Variants in USP49 observed in about 807,000 individuals in gnomAD.
The protein encoded by USP49 is ubiquitin specific peptidase 49, also known as ubiquitin carboxyl-terminal hydrolase 49.
USP49 carries 24 observed loss-of-function variants against 58.6 expected under a neutral mutation model. That is an observed-to-expected ratio of 0.41 (90% CI 0.30 to 0.58). The LOEUF (loss-of-function observed/expected upper bound fraction) is 0.58, where lower values mean the gene tolerates loss of function less well. Ranked by LOEUF, USP49 falls within the 20% of genes least tolerant of loss-of-function variation. USP49 has a pLI of 0.30. For missense variants in USP49, 703 were observed against 866.1 expected (o/e 0.81, Z 2.36); for synonymous variants, 408 against 365.1 (o/e 1.12, Z -1.34).
rs150934131 is a variant in USP49 at position 41,822,652 on chromosome 6, C to G, written c.-28-15641G>C. Among the ~76,000 whole-genome samples, 106 of 152,226 alleles carry G rather than the reference C, an allele frequency of 7.0e-4. 1 individual carries two copies. The East Asian group carries it at 0.02, about 29-fold the overall frequency. On this transcript the variant is annotated intron_variant, in intron 3 of 7. Transcript: ENST00000682992. ...CACGAGGTCAAGAAATCAAGACCAT[C>G]CTGTCCAACATGGTAAAACCCCATC...
intron 3 of USP49, among the ~76,000 whole-genome samples, chr6:41,839,902 G>T (rs1561914395): frequency 3.9e-5 from 6 of 152,026 alleles, no homozygotes. Context: ...TACTGCTTAG[G>T]TGATGGGTGC....
intron 3 of USP49, among the ~76,000 whole-genome samples, chr6:41,815,192 G>A (rs1054868712): frequency 1.6e-4 from 25 of 152,164 alleles, no homozygotes; most frequent in African/African-American, 5.5e-4. Context: ...AGGCCGAGAC[G>A]GGAGGATCAT....
intron 3 of USP49, among the ~76,000 whole-genome samples, chr6:41,840,281 G>A (rs1489710320): frequency 6.6e-6 from 1 of 151,660 alleles, no homozygotes; most frequent in Non-Finnish European, 1.5e-5. Context: ...GGCTGAGGCA[G>A]GAGAATGGCG....
chr6:41,807,985 C>T (rs962937172), intron 3 of USP49, among the ~76,000 whole-genome samples: 2 of 152,006 alleles, frequency 1.3e-5, no homozygotes, highest in Admixed American at 6.6e-5. Context: ...ACCATGTTGG[C>T]CAGGCTGGTC....
chr6:41,878,796 A>G (rs950806403), intron 2 of USP49, among the ~76,000 whole-genome samples: 17 of 152,170 alleles, frequency 1.1e-4, no homozygotes, highest in African/African-American at 3.9e-4. Flanking sequence ...GTTTTCATGT[A>G]CACTTGCTCA....
chr6:41,886,151 C>T (rs112493807), intron 2 of USP49, among the ~76,000 whole-genome samples: 2,529 of 152,236 alleles, frequency 0.017, 54 homozygotes, highest in African/African-American at 0.051. Context: ...CTTTTAGATA[C>T]AAGCATGCAA....
At chr6:41,828,215 C>T (rs949912645) in intron 3 of USP49, among the ~76,000 whole-genome samples, 12 of 151,828 alleles carry the variant, frequency 7.9e-5, no homozygotes, top group African/African-American at 1.2e-4. Context: ...GAGGCCGAGG[C>T]GGGCAGATCA....
At chr6:41,800,219 T>C (rs1199412574) in intron 5 of USP49, among the ~76,000 whole-genome samples, 1 of 152,168 alleles carries the variant, frequency 6.6e-6, no homozygotes, top group African/African-American at 2.4e-5. Context: ...CCTTTGGCCT[T>C]CCCACTATCT....
At chr6:41,811,581 G>T (rs984991718) in intron 3 of USP49, among the ~76,000 whole-genome samples, 2 of 152,140 alleles carry the variant, frequency 1.3e-5, no homozygotes, top group African/African-American at 2.4e-5. Flanking sequence ...TCAGAGAGGA[G>T]ATTATGTATA....
chr6:41,815,186 C>T (rs974040637), intron 3 of USP49, among the ~76,000 whole-genome samples: 1 of 151,900 alleles, frequency 6.6e-6, no homozygotes, highest in East Asian at 1.9e-4. Flanking sequence ...TTTGGGAGGC[C>T]GAGACGGGAG....
chr6:41,841,338 A>G (rs1773824189), intron 3 of USP49, among the ~76,000 whole-genome samples: 1 of 152,110 alleles, frequency 6.6e-6, no homozygotes, highest in Non-Finnish European at 1.5e-5. Context: ...GCCTTCAAGG[A>G]GCTTACCATC....
chr6:41,805,597 CCT>C (rs1404580265), intron 4 of USP49, 29 bp downstream of exon 4: 9 of 1,585,142 alleles, frequency 5.7e-6, no homozygotes, highest in African/African-American at 1.4e-5. Flanking sequence ...AACATACAAG[CCT>C]CTCATTGTCA....
chr6:41,866,431 C>T (rs754156926), intron 3 of USP49, among the ~76,000 whole-genome samples: 1 of 152,042 alleles, frequency 6.6e-6, no homozygotes, highest in Non-Finnish European at 1.5e-5. Flanking sequence ...TTTTATAGAA[C>T]AGGGCTAGAA....
intron 3 of USP49, among the ~76,000 whole-genome samples, chr6:41,844,746 C>A (rs1773891456): frequency 8.1e-6 from 1 of 123,952 alleles, no homozygotes; most frequent in Non-Finnish European, 1.8e-5. Context: ...CATTTTTTGA[C>A]CTATTTCTTT....
chr6:41,852,982 G>A (rs1345758144), intron 3 of USP49, among the ~76,000 whole-genome samples: 1 of 152,192 alleles, frequency 6.6e-6, no homozygotes, highest in Admixed American at 6.5e-5. Context: ...CTGAGGTCAG[G>A]AGTTCGAAAC....
At chr6:41,870,618 C>T (rs1031134058) in intron 3 of USP49, among the ~76,000 whole-genome samples, 1 of 151,616 alleles carries the variant, frequency 6.6e-6, no homozygotes, top group Non-Finnish European at 1.5e-5. Flanking sequence ...CTCACTACAG[C>T]CTCAATCTCC....
At chr6:41,846,759 G>A (rs979246235) in intron 3 of USP49, among the ~76,000 whole-genome samples, 26 of 142,674 alleles carry the variant, frequency 1.8e-4, no homozygotes, top group African/African-American at 6.6e-4. Flanking sequence ...CACAGAGCAA[G>A]TTGGAGGAAA....
chr6:41,804,559 G>A (rs150287258), intron 4 of USP49, among the ~76,000 whole-genome samples: 91 of 152,260 alleles, frequency 6.0e-4, no homozygotes, highest in Non-Finnish European at 1.2e-3. Flanking sequence ...CCTAAGGGGA[G>A]GGGAGACAGA....
At chr6:41,800,118 A>G (rs1772972023) in intron 5 of USP49, among the ~76,000 whole-genome samples, 180 bp from the exon 6 acceptor site, 1 of 152,142 alleles carries the variant, frequency 6.6e-6, no homozygotes, top group South Asian at 2.1e-4. Flanking sequence ...ACACGCCTGC[A>G]TGGTGTGGCC....
Sources: gnomAD v4.1 joint callset for allele counts (sites outside exome capture counted in the v4.1 genomes callset) on GRCh38, gnomAD v4.1.1 for gene constraint, MANE v1.5 for transcripts, NCBI Gene and HGNC (gene_info 2026-07-23, HGNC 2026-07-21) for gene names.